HDLBP: variants seen among roughly 807,000 people sequenced by gnomAD.
HDLBP encodes vigilin.
In HDLBP, 30 loss-of-function variants were observed where a neutral mutation model predicts 137.3. That is an observed-to-expected ratio of 0.22 (90% CI 0.16 to 0.30). The LOEUF (loss-of-function observed/expected upper bound fraction) is 0.30, where lower values mean the gene tolerates loss of function less well. Among genes scored for constraint, HDLBP ranks in the 10% least tolerant of loss-of-function variants. The pLI is 1.00. For synonymous variants in HDLBP, 606 were observed against 596.0 expected, an observed-to-expected ratio of 1.02 and a Z score of -0.24; for missense variants, 1,119 against 1,667.3, an observed-to-expected ratio of 0.67 and a Z score of 5.73.
intron 5 of HDLBP, among the ~76,000 whole-genome samples, chr2:241,259,977 G>T (rs1050342288): frequency 1.3e-5 from 2 of 152,122 alleles, no homozygotes; most frequent in African/African-American, 4.8e-5. Flanking sequence ...GCATCTTTCT[G>T]TGTTAGAAAT....
At chr2:241,231,088 A>G in intron 24 of HDLBP, 144 bp from the exon 25 acceptor site, 1 of 711,998 alleles carries the variant, frequency 1.4e-6, no homozygotes, top group Non-Finnish European at 2.3e-6. Context: ...CAAGAGGTTA[A>G]CAATGTCCAC....
At chr2:241,264,967 G>C (rs373733615) in intron 3 of HDLBP, among the ~76,000 whole-genome samples, 30 of 152,320 alleles carry the variant, frequency 2.0e-4, no homozygotes, top group Non-Finnish European at 3.1e-4. Context: ...AAGTCCTCTA[G>C]AGTCTAATAA....
intron 1 of HDLBP, among the ~76,000 whole-genome samples, chr2:241,287,404 G>A (rs1187730293): frequency 2.7e-5 from 4 of 150,372 alleles, no homozygotes; most frequent in Admixed American, 6.7e-5. Context: ...ACCGCGCCCG[G>A]CCTATTTCTT....
intron 9 of HDLBP, 78 bp downstream of exon 9, chr2:241,254,973 G>A: frequency 8.7e-7 from 1 of 1,149,264 alleles, no homozygotes; most frequent in East Asian, 2.4e-5. Flanking sequence ...CAGTACAAAG[G>A]TCAACAAAGC....
intron 1 of HDLBP, among the ~76,000 whole-genome samples, chr2:241,295,703 T>A (rs1559551271): frequency 6.6e-6 from 1 of 152,160 alleles, no homozygotes; most frequent in Non-Finnish European, 1.5e-5. Context: ...TCAGATGACA[T>A]TAAGTGAAAG....
At chr2:241,299,682 T>C (rs1014599508) in intron 1 of HDLBP, among the ~76,000 whole-genome samples, 10 of 151,316 alleles carry the variant, frequency 6.6e-5, no homozygotes, top group Admixed American at 2.6e-4. Flanking sequence ...CTGGGAGGCC[T>C]AGGCAGGTGG....
At position 241,267,609 on chromosome 2, in the gene HDLBP, T is replaced by G. The variant is rs116445550; in HGVS notation, c.-37-703A>C. ...ATGCTTACAAAATGCATCATGACAGTTGCTACAAAAAGCCAGCGGTCTCTC... is the reference window on the plus strand; with the variant it reads ...ATGCTTACAAAATGCATCATGACAGGTGCTACAAAAAGCCAGCGGTCTCTC... On this transcript the variant is annotated intron_variant, in intron 2 of 27. Transcript: ENST00000310931. 6 of 1,535,564 alleles carry G rather than the reference T, an allele frequency of 3.9e-6. 1 individual carries two copies. In the South Asian group the frequency reaches 4.8e-5, roughly 12 times the overall value.
chr2:241,310,017 A>C lies in HDLBP; in HGVS notation c.-103+5553T>G, dbSNP rs115481756. ...CTCTGACTCACGAGCAGGCACAAGA[A>C]CATCACTGCATAGCCCAGAAAAGGC... On this transcript the variant is annotated intron_variant, in intron 1 of 27. Transcript: ENST00000310931. 4.1e-3 allele frequency among the ~76,000 whole-genome samples: 632 copies of C among 152,330 alleles called. 1 individual carries two copies. Among genetic ancestry groups the C allele is most frequent in the Non-Finnish European group, 6.6e-3 (451 of 68,020 alleles).
chr2:241,311,115 CA>C (rs137962673), intron 1 of HDLBP, among the ~76,000 whole-genome samples: 1 of 142,840 alleles, frequency 7.0e-6, no homozygotes, highest in African/African-American at 2.6e-5. Flanking sequence ...CGCTGTGTCT[CA>C]AAAAAAAACA....
At chr2:241,247,666 C>T (rs576865067) in intron 14 of HDLBP, among the ~76,000 whole-genome samples, 7 of 152,344 alleles carry the variant, frequency 4.6e-5, no homozygotes, top group African/African-American at 1.4e-4. Flanking sequence ...CTCCTCATGT[C>T]ACCTGTTATA....
chr2:241,239,942 G>A lies in HDLBP; in HGVS notation c.2350C>T (p.Arg784Ter), dbSNP rs1214801603. The A allele has an allele frequency of 1.2e-6, 2 of 1,614,040 alleles. No individual in the cohort carries two copies. Among genetic ancestry groups the A allele is most frequent in the African/African-American group, 1.3e-5 (1 of 74,912 alleles). ...GCCTCCAGCTCCTTCTGTGCCTCTC[G>A]GACGGCGTCCTCCTTTCCAATGATG... ...ITIIGKEDAV[R>*]EAQKELEALI... The change falls in exon 18 of 28, where the codon CGA (arginine) becomes TGA (stop). Residue 784 changes from arginine to a stop codon, truncating the protein, a stop_gained. Coordinates refer to ENST00000310931, the MANE Select transcript of HDLBP (RefSeq NM_005336.6). LOFTEE classifies it high-confidence loss of function. This position sits in a 1 kb window ranked among gnomAD's most constrained non-coding sequence, Gnocchi z 4.6.
intron 5 of HDLBP, among the ~76,000 whole-genome samples, chr2:241,261,484 T>A (rs943644072): frequency 1.3e-5 from 2 of 152,196 alleles, no homozygotes; most frequent in Non-Finnish European, 2.9e-5. Flanking sequence ...ATAATGTATC[T>A]GGGATTTGTC....
At chr2:241,308,644 T>C (rs1276992208) in intron 1 of HDLBP, among the ~76,000 whole-genome samples, 1 of 152,296 alleles carries the variant, frequency 6.6e-6, no homozygotes, top group East Asian at 1.9e-4. Context: ...GGGTAGATGG[T>C]AGACTGAGGC....
At chr2:241,251,571 G>A (rs181606132) in intron 11 of HDLBP, among the ~76,000 whole-genome samples, 39 of 152,362 alleles carry the variant, frequency 2.6e-4, no homozygotes, top group South Asian at 2.1e-3. Context: ...AATGGAGGAC[G>A]TGCTTGCCTT....
rs2073709849 is a variant in HDLBP at position 241,266,828 on chromosome 2, T to C, written c.42A>G (p.Glu14=). The change falls in exon 3 of 28, where the codon GAA becomes GAG. Residue 14 remains glutamate (E), a synonymous_variant. Transcript: ENST00000310931. ...GTTGCGGAACCAGCCCACTTCGGTG[T>C]TCAGCAAAACTCTCTTGGGTCAAAA... is the stretch of plus-strand genomic sequence containing the variant. ...VAVLTQESFA[E]HRSGLVPQQI... 6.2e-7 allele frequency: 1 copy of C among 1,613,746 alleles called. No individual in the cohort carries two copies. Among genetic ancestry groups the C allele is most frequent in the Non-Finnish European group, 8.5e-7 (1 of 1,179,756 alleles).
intron 1 of HDLBP, among the ~76,000 whole-genome samples, chr2:241,293,920 TC>T (rs2075090537): frequency 1.1e-5 from 1 of 94,670 alleles, no homozygotes. Flanking sequence ...AGACCCTGCC[TC>T]AAAAAAAAAA....
At position 241,229,419 on chromosome 2, in the gene HDLBP, C is replaced by G; in HGVS notation, c.*182G>C. On this transcript the variant is annotated 3_prime_UTR_variant, in exon 28 of 28. Transcript: ENST00000310931. ...CAGTGGAGCAGGTCCTGAGCGGGCACGGCCAGGCCTGGAGGAGCGGCCGCA... is the reference window on the plus strand; with the variant it reads ...CAGTGGAGCAGGTCCTGAGCGGGCAGGGCCAGGCCTGGAGGAGCGGCCGCA... 2 of 558,400 alleles carry G rather than the reference C, an allele frequency of 3.6e-6. No homozygotes were observed. Among genetic ancestry groups the G allele is most frequent in the Non-Finnish European group, 6.5e-6 (2 of 309,034 alleles). 34.6% of individuals were successfully genotyped at this position (558,400 alleles called of 1,614,324 possible).
At position 241,242,509 on chromosome 2, in the gene HDLBP, G is replaced by A. The variant is rs151299167; in HGVS notation, c.2120C>T (p.Ser707Leu). Residue 707 changes from serine to leucine, a missense_variant, in exon 17 of 28, where the codon TCG becomes TTG. Transcript: ENST00000310931. ...SDTVVIRGPS[S>L]DVEKAKKQLL... is the part of the protein sequence containing the mutation. The stretch of plus-strand genomic sequence containing the variant: ...CTGCTTCTTGGCCTTCTCCACATCC[G>A]AGGAAGGGCCCCTGATAACAACGGT... 144 of 1,614,144 alleles carry A rather than the reference G, an allele frequency of 8.9e-5. No individual in the cohort carries two copies. The highest frequency in any genetic ancestry group is 2.7e-4 in the South Asian group (25 of 91,076).
At chr2:241,258,792 A>T (rs1230314296) in intron 5 of HDLBP, among the ~76,000 whole-genome samples, 1 of 152,142 alleles carries the variant, frequency 6.6e-6, no homozygotes, top group African/African-American at 2.4e-5. Flanking sequence ...GAAAAATGCA[A>T]ATTTAAAGTA....
Sources: gnomAD v4.1 joint callset for allele counts (sites outside exome capture counted in the v4.1 genomes callset) on GRCh38, gnomAD v4.1.1 for gene constraint, Gnocchi (gnomAD v3.1) non-coding constraint, MANE v1.5 for transcripts, NCBI Gene and HGNC (gene_info 2026-07-23, HGNC 2026-07-21) for gene names.